The following FAM114A2 variants were observed in gnomAD, a reference collection of about 807,000 sequenced individuals.
The protein encoded by FAM114A2 is family with sequence similarity 114 member A2, also known as protein FAM114A2.
Under a neutral mutation model 58.4 loss-of-function variants are expected in FAM114A2, and 53 were observed. The observed-to-expected ratio is 0.91, with a 90% CI of 0.73 to 1.14. FAM114A2 has a LOEUF of 1.14. Among genes scored for constraint, FAM114A2 ranks in the 50% most tolerant of loss-of-function variants. The pLI is 0.00. For synonymous variants in FAM114A2, 228 were observed against 211.4 expected (o/e 1.08, Z -0.68); for missense variants, 601 against 581.1 (o/e 1.03, Z -0.35).
At position 153,990,428 on chromosome 5, in the gene FAM114A2, T is replaced by C. The variant is rs148925928; in HGVS notation, c.*2548A>G. On this transcript the variant is annotated 3_prime_UTR_variant, in exon 14 of 14. Coordinates refer to ENST00000351797, the MANE Select transcript of FAM114A2 (RefSeq NM_018691.4). ...TTGTACACCTAGCACTGATTTCAGA[T>C]TCATAGTAATGCCATCTATAAAAAT... 6.6e-6 allele frequency: 1 copy of C among 151,978 alleles called. No individual in the cohort carries two copies. Among genetic ancestry groups the C allele is most frequent in the East Asian group, 1.9e-4 (1 of 5,172 alleles). The allele number at this position is 151,978 out of a possible 1,614,324, so 9.4% of individuals were successfully genotyped here.
Position 154,034,758 on chromosome 5 carries a change from CT to C in FAM114A2, c.195del (p.Val66PhefsTer35). The C allele has an allele frequency of 6.2e-7, 1 of 1,612,760 alleles. No homozygotes were observed. Among genetic ancestry groups the C allele is most frequent in the Non-Finnish European group, 8.5e-7 (1 of 1,178,806 alleles). On this transcript the variant is annotated frameshift_variant, in exon 2 of 14. Transcript: ENST00000351797. LOFTEE classifies it high-confidence loss of function. ...TKPSSDLETS[K>X]VLPIQDNVSK... Reference sequence around the variant, plus strand: ...GTCTGTGATACCTGAATAGGGAGAACTTTTGAAGTCTCAAGGTCACTGGAAG... The same window carrying C: ...GTCTGTGATACCTGAATAGGGAGAACTTTGAAGTCTCAAGGTCACTGGAAG...
At chr5:154,005,626 G>C (rs981502267) in intron 9 of FAM114A2, among the ~76,000 whole-genome samples, 1 of 152,174 alleles carries the variant, frequency 6.6e-6, no homozygotes, top group African/African-American at 2.4e-5. Flanking sequence ...CATGCCTGAA[G>C]CCAGTTCTGC....
chr5:154,018,016 C>T (rs1448244317), intron 8 of FAM114A2, among the ~76,000 whole-genome samples: 1 of 152,032 alleles, frequency 6.6e-6, no homozygotes, highest in East Asian at 1.9e-4. Flanking sequence ...AACAGAGAAA[C>T]AAGAACAAAC....
chr5:153,998,215 T>C (rs1769715300), intron 11 of FAM114A2, among the ~76,000 whole-genome samples: 1 of 152,222 alleles, frequency 6.6e-6, no homozygotes, highest in African/African-American at 2.4e-5. Flanking sequence ...GTCCAGCATA[T>C]CCACAGAACC....
intron 8 of FAM114A2, among the ~76,000 whole-genome samples, chr5:154,011,583 A>T (rs1328851847): frequency 1.3e-5 from 2 of 152,208 alleles, no homozygotes; most frequent in African/African-American, 4.8e-5. Flanking sequence ...GAAGACATTA[A>T]GTGACTTCCC....
chr5:154,001,422 G>A (rs575251939), intron 11 of FAM114A2, among the ~76,000 whole-genome samples: 5 of 152,202 alleles, frequency 3.3e-5, no homozygotes, highest in South Asian at 4.1e-4. Flanking sequence ...CCTCTTTTCC[G>A]CAGAACAGGC....
At chr5:154,017,267 A>AC (rs1423767279) in intron 8 of FAM114A2, among the ~76,000 whole-genome samples, 2 of 151,952 alleles carry the variant, frequency 1.3e-5, no homozygotes, top group Non-Finnish European at 2.9e-5. Context: ...ACATAGAGAA[A>AC]CCCCGTCTCT....
chr5:153,994,781 T>A (rs1388521153), intron 13 of FAM114A2, 138 bp downstream of exon 13: 2 of 613,270 alleles, frequency 3.3e-6, no homozygotes, highest in African/African-American at 3.7e-5. Flanking sequence ...AAATATACAC[T>A]ATTTCTGTCA....
chr5:154,025,741 T>C (rs1771731630), intron 8 of FAM114A2, among the ~76,000 whole-genome samples: 2 of 152,292 alleles, frequency 1.3e-5, no homozygotes, highest in South Asian at 4.1e-4. Context: ...CTTAGAAATA[T>C]TTCCAGCTAA....
At chr5:154,028,845 G>A (rs1168253548) in intron 5 of FAM114A2, among the ~76,000 whole-genome samples, 2 of 152,154 alleles carry the variant, frequency 1.3e-5, no homozygotes, top group African/African-American at 4.8e-5. Context: ...TTATCTTGGT[G>A]CAGGAGAGGG....
In FAM114A2 at chr5:154,011,264, A is replaced by C. The variant is rs775201418; in HGVS notation, c.970T>G (p.Ser324Ala). The stretch of plus-strand genomic sequence containing the variant: ...ACCCTGGCAAGTTTCTCTGGTTTGG[A>C]GGAAACGTGCAGCTGGGAAAACAGC... ...TELFSQLHVS[S>A]KPEKLARARN... Residue 324 changes from serine (S) to alanine (A), a missense_variant, in exon 9 of 14, where the codon TCC becomes GCC. By Grantham distance (99) the Ser-to-Ala change is moderately conservative. Transcript: ENST00000351797. The C allele has an allele frequency of 3.2e-5, 52 of 1,611,980 alleles. No homozygotes were observed. The highest frequency in any genetic ancestry group is 4.2e-5 in the Non-Finnish European group (50 of 1,178,868).
At chr5:154,010,913 C>T (rs1450840999) in intron 9 of FAM114A2, among the ~76,000 whole-genome samples, 1 of 152,172 alleles carries the variant, frequency 6.6e-6, no homozygotes, top group Non-Finnish European at 1.5e-5. Context: ...GAGTCCTCGA[C>T]AGAGGCTCAC....
chr5:154,029,776 G>A lies in FAM114A2; in HGVS notation c.404-196C>T, dbSNP rs570281641. 1.2e-4 allele frequency among the ~76,000 whole-genome samples: 18 copies of A among 152,036 alleles called. No homozygotes were observed. The East Asian group carries it at 2.5e-3, about 21-fold the overall frequency. On this transcript the variant is annotated intron_variant, in intron 4 of 13. Coordinates refer to ENST00000351797, the MANE Select transcript of FAM114A2 (RefSeq NM_018691.4). ...GCAGTTTTCATTTTCTTTTCATTTC[G>A]AAAATAAAATCCAGTTTTGTAAACA... is the stretch of plus-strand genomic sequence containing the variant.
chr5:154,021,683 A>G (rs1257898736), intron 8 of FAM114A2, among the ~76,000 whole-genome samples: 1 of 152,178 alleles, frequency 6.6e-6, no homozygotes, highest in African/African-American at 2.4e-5. Flanking sequence ...CCATGCTCAT[A>G]GAGAGGAAGA....
At chr5:154,002,510 G>A in intron 10 of FAM114A2, 120 bp from the exon 11 acceptor site, 1 of 1,048,346 alleles carries the variant, frequency 9.5e-7, no homozygotes, top group Non-Finnish European at 1.4e-6. Flanking sequence ...CCAATAAAGA[G>A]TGTCTTCTTC....
At chr5:154,001,598 G>C (rs796785394) in intron 11 of FAM114A2, among the ~76,000 whole-genome samples, 25 of 152,250 alleles carry the variant, frequency 1.6e-4, no homozygotes, top group African/African-American at 5.5e-4. Context: ...TTATACATTT[G>C]TTTCCAATGA....
chr5:154,022,319 A>T lies in FAM114A2; in HGVS notation c.913+4080T>A, dbSNP rs1258749037. 2.6e-5 allele frequency among the ~76,000 whole-genome samples: 4 copies of T among 152,254 alleles called. No homozygotes were observed. The East Asian group carries it at 7.7e-4, about 29-fold the overall frequency. On this transcript the variant is annotated intron_variant, in intron 8 of 13. Coordinates refer to ENST00000351797, the MANE Select transcript of FAM114A2 (RefSeq NM_018691.4). ...TTAAACTAAAGAGCTTCTGCACAGC[A>T]AAAGAAACTACCATCAGCGTGAACA...
chr5:154,015,951 C>T (rs189535220), intron 8 of FAM114A2, among the ~76,000 whole-genome samples: 39 of 152,082 alleles, frequency 2.6e-4, no homozygotes, highest in African/African-American at 4.8e-4. Context: ...AAGGAAACAA[C>T]GGACGCACTT....
intron 8 of FAM114A2, among the ~76,000 whole-genome samples, chr5:154,018,969 G>A (rs1383702140): frequency 6.6e-6 from 1 of 152,150 alleles, no homozygotes; most frequent in African/African-American, 2.4e-5. Flanking sequence ...ATGGAGAGAA[G>A]TTGAAAGCAT....
Sources: gnomAD v4.1 joint callset for allele counts (sites outside exome capture counted in the v4.1 genomes callset) on GRCh38, gnomAD v4.1.1 for gene constraint, MANE v1.5 for transcripts, NCBI Gene and HGNC (gene_info 2026-07-23, HGNC 2026-07-21) for gene names.